PRIM2: variants seen among roughly 807,000 people sequenced by gnomAD.
PRIM2 encodes the protein DNA primase large subunit.
In PRIM2, 39 loss-of-function variants were observed where a neutral mutation model predicts 67.3. The ratio of observed to expected loss-of-function variants is 0.58; its 90% confidence interval spans 0.45 to 0.76. The LOEUF (loss-of-function observed/expected upper bound fraction) is 0.76, where lower values mean the gene tolerates loss of function less well. Among genes scored for constraint, PRIM2 ranks in the 30% least tolerant of loss-of-function variants. The probability of loss-of-function intolerance (pLI) is 0.00; values close to 1 mark genes in which losing one functional copy is unlikely to be tolerated. For missense variants in PRIM2, 398 were observed against 598.7 expected, an observed-to-expected ratio of 0.66 and a Z score of 3.50; for synonymous variants, 143 against 198.7, an observed-to-expected ratio of 0.72 and a Z score of 2.36.
At chr6:57,498,195 T>A (rs1241419741) in intron 7 of PRIM2, among the ~76,000 whole-genome samples, 8 of 152,078 alleles carry the variant, frequency 5.3e-5, no homozygotes, top group African/African-American at 1.4e-4. Context: ...TTAAAAAAAA[T>A]TTTCCTGATC....
chr6:57,270,447 A>G, the PRIM2 span, among the ~76,000 whole-genome samples: 1 of 152,162 alleles, frequency 6.6e-6, no homozygotes, highest in East Asian at 1.9e-4. Context: ...TTGGTGTATA[A>G]GAATGCTTGT....
intron 5 of PRIM2, among the ~76,000 whole-genome samples, chr6:57,327,076 G>A (rs1767890415): frequency 1.3e-5 from 2 of 151,760 alleles, no homozygotes; most frequent in Admixed American, 6.6e-5. Flanking sequence ...GCTAATTTTT[G>A]TATTTTTAGA....
intron 7 of PRIM2, among the ~76,000 whole-genome samples, chr6:57,455,896 A>C (rs926998271): frequency 5.9e-5 from 9 of 152,114 alleles, no homozygotes; most frequent in Non-Finnish European, 1.3e-4. Context: ...GGTCTTTACA[A>C]TTTGGCATGT....
chr6:57,545,144 T>A (rs1775259236), intron 10 of PRIM2, among the ~76,000 whole-genome samples: 1 of 152,084 alleles, frequency 6.6e-6, no homozygotes, highest in Non-Finnish European at 1.5e-5. Context: ...AGAATCAAAT[T>A]TGTTGTCGTC....
At chr6:57,230,072 G>C in the PRIM2 span, among the ~76,000 whole-genome samples, 32 of 152,304 alleles carry the variant, frequency 2.1e-4, no homozygotes, top group African/African-American at 7.2e-4. Flanking sequence ...TAAATTCTCA[G>C]CTTGGAATGC....
chr6:57,236,287 G>C, the PRIM2 span, among the ~76,000 whole-genome samples: 5 of 151,858 alleles, frequency 3.3e-5, no homozygotes, highest in East Asian at 9.7e-4. Context: ...TAGCTCACTG[G>C]TCCATGTTCT....
chr6:57,489,311 C>T, intron 7 of PRIM2, among the ~76,000 whole-genome samples: 1 of 152,326 alleles, frequency 6.6e-6, no homozygotes, highest in South Asian at 2.1e-4. Flanking sequence ...AATCCCAGCA[C>T]TTTGGGAGGC....
intron 7 of PRIM2, among the ~76,000 whole-genome samples, chr6:57,475,011 C>A (rs1368103582): frequency 6.6e-6 from 1 of 152,102 alleles, no homozygotes; most frequent in Non-Finnish European, 1.5e-5. Flanking sequence ...CTCTGGGCAT[C>A]GTTTATTTGC....
chr6:57,465,445 A>G (rs1773151891), intron 7 of PRIM2, among the ~76,000 whole-genome samples: 1 of 152,174 alleles, frequency 6.6e-6, no homozygotes, highest in Non-Finnish European at 1.5e-5. Context: ...GCCCAGAGTT[A>G]GTGGTACAGA....
At chr6:57,222,922 G>A in the PRIM2 span, among the ~76,000 whole-genome samples, 2 of 152,168 alleles carry the variant, frequency 1.3e-5, no homozygotes, top group African/African-American at 4.8e-5. Context: ...CATACCCTAT[G>A]GCCCCGCAGT....
At chr6:57,239,150 C>A in the PRIM2 span, among the ~76,000 whole-genome samples, 60 of 152,078 alleles carry the variant, frequency 3.9e-4, no homozygotes, top group Middle Eastern at 6.8e-3. Context: ...ACCACCATAC[C>A]CGGCTAATTT....
Position 57,606,361 on chromosome 6 carries a change from T to C in PRIM2, c.1148-14T>C, listed in dbSNP as rs1192912677. On this transcript the variant is annotated splice_polypyrimidine_tract_variant and intron_variant, in intron 11 of 13. Transcript: ENST00000615550. ...ATAACCTTGTTTGTGTGCTGGCTTATTTTTTGTTGTCAGGGTGCCCATTCC... is the reference window on the plus strand; with the variant it reads ...ATAACCTTGTTTGTGTGCTGGCTTACTTTTTGTTGTCAGGGTGCCCATTCC... The C allele has an allele frequency of 3.2e-6, 5 of 1,580,006 alleles. No individual in the cohort carries two copies. Among genetic ancestry groups the C allele is most frequent in the African/African-American group, 1.3e-5 (1 of 74,238 alleles).
chr6:57,290,538 T>A, the PRIM2 span, among the ~76,000 whole-genome samples: 11 of 152,140 alleles, frequency 7.2e-5, no homozygotes, highest in Non-Finnish European at 1.2e-4. Context: ...CCAACCCAAA[T>A]CAACAGAATA....
At chr6:57,543,196 C>G (rs1431213831) in intron 10 of PRIM2, among the ~76,000 whole-genome samples, 1 of 151,822 alleles carries the variant, frequency 6.6e-6, no homozygotes, top group African/African-American at 2.4e-5. Flanking sequence ...GCCTCGGCCT[C>G]CCAAAGTGCT....
At chr6:57,539,995 A>G (rs1775113128) in intron 10 of PRIM2, among the ~76,000 whole-genome samples, 1 of 151,414 alleles carries the variant, frequency 6.6e-6, no homozygotes, top group East Asian at 1.9e-4. Flanking sequence ...CTCCATCTCA[A>G]GAAAAAAAAA....
At chr6:57,598,501 T>C (rs1388757368) in intron 10 of PRIM2, among the ~76,000 whole-genome samples, 2 of 152,168 alleles carry the variant, frequency 1.3e-5, no homozygotes, top group African/African-American at 4.8e-5. Context: ...TTGCCAGATA[T>C]CTTGTCAAAG....
At chr6:57,343,790 G>A (rs1393140474) in intron 5 of PRIM2, among the ~76,000 whole-genome samples, 2 of 152,186 alleles carry the variant, frequency 1.3e-5, no homozygotes, top group Non-Finnish European at 2.9e-5. Flanking sequence ...GTTAAGGATA[G>A]TAAGGAAGAC....
In PRIM2 at chr6:57,599,056, C is replaced by T. The variant is rs1292275608; in HGVS notation, c.1021-2037C>T. 3.2e-5 allele frequency among the ~76,000 whole-genome samples: 2 copies of T among 61,942 alleles called. 1 individual carries two copies. Among genetic ancestry groups the T allele is most frequent in the Non-Finnish European group, 6.1e-5 (2 of 32,992 alleles). 40.6% of individuals were successfully genotyped at this position (61,942 alleles called of 152,430 possible). A position where few individuals can be genotyped will look rare whatever the true frequency, so the allele number is the denominator to read the frequency against. ...CCGCCTCCCGGGTTCACGCCATTCT[C>T]CTGCCTCAGCCTCCCGAGTAGCTGG... On this transcript the variant is annotated intron_variant, in intron 10 of 13. Coordinates refer to ENST00000615550, the MANE Select transcript of PRIM2 (RefSeq NM_000947.5).
upstream of PRIM2, among the ~76,000 whole-genome samples, chr6:57,311,740 T>A (rs918661168): frequency 6.6e-6 from 1 of 151,366 alleles, no homozygotes; most frequent in Non-Finnish European, 1.5e-5. Context: ...CTGGGCAACA[T>A]TGAGCATTGA....
Sources: gnomAD v4.1 joint callset for allele counts (sites outside exome capture counted in the v4.1 genomes callset) on GRCh38, gnomAD v4.1.1 for gene constraint, MANE v1.5 for transcripts, NCBI Gene and HGNC (gene_info 2026-07-23, HGNC 2026-07-21) for gene names.